NFATC1: variants seen among roughly 807,000 people sequenced by gnomAD.
NFATC1 encodes nuclear factor of activated T-cells, cytoplasmic 1.
Under a neutral mutation model 76.0 loss-of-function variants are expected in NFATC1, and 22 were observed. That is an observed-to-expected ratio of 0.29 (90% CI 0.21 to 0.41). The LOEUF (loss-of-function observed/expected upper bound fraction) is 0.41. Ranked by LOEUF, NFATC1 falls within the 10% of genes least tolerant of loss-of-function variation. The pLI, the probability that NFATC1 is intolerant of heterozygous loss-of-function variation, is 1.00. For synonymous variants in NFATC1, 704 were observed against 613.1 expected (o/e 1.15, Z -2.19); for missense variants, 1,357 against 1,337.7 (o/e 1.01, Z -0.23).
At position 79,425,258 on chromosome 18, in the gene NFATC1, CCTGTCT is replaced by C. The variant is rs1568945015; in HGVS notation, c.1227-8312_1227-8307del. The stretch of plus-strand genomic sequence containing the variant: ...CTGTCTCTGTCTCTCTGTTTCTCTC[CCTGTCT>C]CTGTCTCTCTCTCTGTCTGTCTTTC... On this transcript the variant is annotated intron_variant, in intron 2 of 9. Transcript: ENST00000427363. Among the ~76,000 whole-genome samples, 5 of 55,348 alleles carry C rather than the reference CCTGTCT, an allele frequency of 9.0e-5. No individual in the cohort carries two copies. In the South Asian group the frequency reaches 1.8e-3, roughly 20 times the overall value. 36.3% of individuals were successfully genotyped at this position (55,348 alleles called of 152,430 possible). A position where few individuals can be genotyped will look rare whatever the true frequency, so the allele number is the denominator to read the frequency against.
At position 79,448,856 on chromosome 18, in the gene NFATC1, C is replaced by T. The variant is rs144047751; in HGVS notation, c.1461C>T (p.Arg487=). Residue 487 remains arginine (R), a synonymous_variant, in exon 4 of 10, where the codon CGC becomes CGT. Transcript: ENST00000427363. ...FIGTADDRLL[R]PHAFYQVHRI... ...GGACGGCGGACGACCGCCTGCTGCG[C>T]CCGCACGCCTTCTACCAGGTGCACC... is the stretch of plus-strand genomic sequence containing the variant. 202 of 1,613,838 alleles carry T rather than the reference C, an allele frequency of 1.3e-4. No homozygotes were observed. In the African/African-American group the frequency reaches 2.6e-3, roughly 21 times the overall value.
intron 8 of NFATC1, among the ~76,000 whole-genome samples, chr18:79,481,743 G>C (rs1014386071): frequency 6.6e-6 from 1 of 151,928 alleles, no homozygotes; most frequent in Non-Finnish European, 1.5e-5. Flanking sequence ...CTGTTGTGAC[G>C]ACTGAATGTG....
intron 9 of NFATC1, among the ~76,000 whole-genome samples, chr18:79,501,833 G>A (rs1485279877): frequency 6.6e-6 from 1 of 152,198 alleles, no homozygotes; most frequent in African/African-American, 2.4e-5. Flanking sequence ...CTCTGAAAAT[G>A]ACAGAACGTT....
At chr18:79,485,012 G>A (rs532330480) in intron 8 of NFATC1, among the ~76,000 whole-genome samples, 44 of 152,356 alleles carry the variant, frequency 2.9e-4, no homozygotes, top group South Asian at 1.0e-3. Flanking sequence ...CTCAAGCCCG[G>A]GGCTAAATAT....
intron 2 of NFATC1, among the ~76,000 whole-genome samples, chr18:79,425,034 CATCTCTCTCT>C (rs1473469755): frequency 1.7e-5 from 2 of 119,112 alleles, no homozygotes; most frequent in East Asian, 5.6e-4. Context: ...CATCTCTCTC[CATCTCTCTCT>C]CCGTCTCTGT....
chr18:79,481,981 G>T (rs528149160), intron 8 of NFATC1, among the ~76,000 whole-genome samples: 1 of 143,292 alleles, frequency 7.0e-6, no homozygotes, highest in Admixed American at 6.9e-5. Context: ...TGTCATTCCA[G>T]CGTGACCTGG....
intron 8 of NFATC1, among the ~76,000 whole-genome samples, chr18:79,482,407 T>G (rs2089313475): frequency 7.3e-6 from 1 of 136,578 alleles, no homozygotes; most frequent in Non-Finnish European, 1.6e-5. Flanking sequence ...ATGACCTGGT[T>G]CCTGGGGTGT....
chr18:79,477,634 G>A (rs941161685), intron 8 of NFATC1, among the ~76,000 whole-genome samples: 9 of 149,966 alleles, frequency 6.0e-5, no homozygotes, highest in African/African-American at 2.0e-4. Context: ...ACCACCGGCC[G>A]TACTGTTGGC....
chr18:79,521,984 TCTGCTGATA>T, intron 9 of NFATC1, among the ~76,000 whole-genome samples: 1 of 96,462 alleles, frequency 1.0e-5, no homozygotes, highest in Admixed American at 1.3e-4. Flanking sequence ...GGAGGGGGCA[TCTGCTGATA>T]TGTGTGTCTG....
At chr18:79,494,234 CG>C in intron 9 of NFATC1, among the ~76,000 whole-genome samples, 1 of 148,418 alleles carries the variant, frequency 6.7e-6, no homozygotes, top group African/African-American at 2.5e-5. Flanking sequence ...CTGGTGTGGC[CG>C]GGGGAAGGCG....
chr18:79,413,171 T>C (rs1222161869), intron 2 of NFATC1, among the ~76,000 whole-genome samples: 5 of 152,212 alleles, frequency 3.3e-5, no homozygotes, highest in Non-Finnish European at 7.3e-5. Context: ...GGAACTTCAC[T>C]GAACTGGCGA....
At position 79,396,002 on chromosome 18, in the gene NFATC1, G is replaced by A. The variant is rs1414095110; in HGVS notation, c.-223G>A. ...GCGCCAGATCCCAGCAGCAGGGCGC[G>A]GGCACCGGGGCGCGGGCAGGGCTCG... On this transcript the variant is annotated 5_prime_UTR_variant, in exon 1 of 10. Coordinates refer to ENST00000427363, the MANE Select transcript of NFATC1 (RefSeq NM_001278669.2). 1.0e-5 allele frequency: 3 copies of A among 291,370 alleles called. No homozygotes were observed. Among genetic ancestry groups the A allele is most frequent in the Non-Finnish European group, 1.7e-5 (3 of 175,820 alleles). 18.0% of individuals were successfully genotyped at this position (291,370 alleles called of 1,614,324 possible). A position where few individuals can be genotyped will look rare whatever the true frequency, so the allele number is the denominator to read the frequency against.
At chr18:79,518,325 G>A (rs1254299113) in intron 9 of NFATC1, among the ~76,000 whole-genome samples, 1 of 152,224 alleles carries the variant, frequency 6.6e-6, no homozygotes, top group Non-Finnish European at 1.5e-5. Context: ...CAACACTAAT[G>A]TCCCCATGAA....
intron 3 of NFATC1, among the ~76,000 whole-genome samples, chr18:79,437,224 G>A (rs1486709002): frequency 6.6e-6 from 1 of 152,224 alleles, no homozygotes; most frequent in Non-Finnish European, 1.5e-5. Flanking sequence ...GTGCGTGTGA[G>A]GGGATAGTGG....
chr18:79,429,321 G>A (rs968037306), intron 2 of NFATC1, among the ~76,000 whole-genome samples: 5 of 151,466 alleles, frequency 3.3e-5, no homozygotes, highest in East Asian at 1.9e-4. Context: ...GACGTTCGTC[G>A]GTCACCATCC....
rs567396555 is a variant in NFATC1 at position 79,410,308 on chromosome 18, C to T, written c.128-95C>T. 32 of 1,516,700 alleles carry T rather than the reference C, an allele frequency of 2.1e-5. No individual in the cohort carries two copies. Among genetic ancestry groups the T allele is most frequent in the South Asian group, 1.7e-4 (13 of 77,792 alleles). The allele number at this position is 1,516,700 out of a possible 1,614,324, so 94.0% of individuals were successfully genotyped here. On this transcript the variant is annotated intron_variant, in intron 1 of 9. Transcript: ENST00000427363. The surrounding 1 kb of genome is among the most constrained non-coding windows in gnomAD (Gnocchi z 6.7). ...GGCCCGCTCCTTGGGGTCCGTTGGT[C>T]GAGGCCGGGGGTTGCTGGCCGGCCC...
Position 79,396,142 on chromosome 18 carries a change from C to G in NFATC1, c.-83C>G. ...GAGCCCGGGGCGAGGGCTGTCTTCC[C>G]GGAGACCCGACCCCGGCAGCGCGGG... On this transcript the variant is annotated 5_prime_UTR_variant, in exon 1 of 10. Coordinates refer to ENST00000427363, the MANE Select transcript of NFATC1 (RefSeq NM_001278669.2). The G allele has an allele frequency of 7.6e-7, 1 of 1,315,936 alleles. No individual in the cohort carries two copies. 81.5% of individuals were successfully genotyped at this position (1,315,936 alleles called of 1,614,324 possible).
chr18:79,437,089 G>A (rs2086806884), intron 3 of NFATC1, among the ~76,000 whole-genome samples: 1 of 152,212 alleles, frequency 6.6e-6, no homozygotes, highest in Admixed American at 6.5e-5. Context: ...GGTCTGGGTG[G>A]TTCAGGATGG....
intron 2 of NFATC1, among the ~76,000 whole-genome samples, chr18:79,433,258 G>T (rs1031704564): frequency 6.6e-6 from 1 of 152,238 alleles, no homozygotes; most frequent in African/African-American, 2.4e-5. Context: ...ATCCCTCTTA[G>T]ATTTTAAAAC....
Sources: gnomAD v4.1 joint callset for allele counts (sites outside exome capture counted in the v4.1 genomes callset) on GRCh38, gnomAD v4.1.1 for gene constraint, Gnocchi (gnomAD v3.1) non-coding constraint, MANE v1.5 for transcripts, NCBI Gene and HGNC (gene_info 2026-07-23, HGNC 2026-07-21) for gene names.